The following WWOX variants were observed in gnomAD, a reference collection of about 807,000 sequenced individuals.
WWOX encodes the protein WW domain containing oxidoreductase.
Under a neutral mutation model 46.2 loss-of-function variants are expected in WWOX, and 69 were observed. That is an observed-to-expected ratio of 1.49 (90% CI 1.23 to 1.82). The LOEUF is 1.82. Among genes scored for constraint, WWOX ranks in the 40% most tolerant of loss-of-function variants. The pLI, the probability that WWOX is intolerant of heterozygous loss-of-function variation, is 0.00. For missense variants in WWOX, 919 were observed against 542.6 expected (o/e 1.69, Z -6.89); for synonymous variants, 359 against 202.6 (o/e 1.77, Z -6.56).
intron 8 of WWOX, among the ~76,000 whole-genome samples, chr16:78,466,906 T>C (rs1023555209): frequency 9.2e-5 from 14 of 151,674 alleles, no homozygotes; most frequent in Admixed American, 1.3e-4. Context: ...TGCAACGTTG[T>C]AGCATGGGCA....
At chr16:78,239,159 C>G (rs1291331048) in intron 5 of WWOX, among the ~76,000 whole-genome samples, 3 of 152,212 alleles carry the variant, frequency 2.0e-5, no homozygotes, top group Non-Finnish European at 4.4e-5. Context: ...CTGACTTTGC[C>G]TCAGCCTCCC....
intron 8 of WWOX, among the ~76,000 whole-genome samples, chr16:78,841,005 C>T (rs557586741): frequency 3.3e-5 from 5 of 152,154 alleles, no homozygotes; most frequent in South Asian, 2.1e-4. Context: ...GTGGGGTCCA[C>T]GGGTCCATCC....
intron 8 of WWOX, chr16:79,204,081 T>C (rs570787354): frequency 6.6e-6 from 1 of 152,118 alleles, no homozygotes; most frequent in Non-Finnish European, 1.5e-5. Context: ...CTTATTTTGT[T>C]GGCAAATTTC....
intron 8 of WWOX, among the ~76,000 whole-genome samples, chr16:78,860,028 T>G (rs1263133314): frequency 6.6e-6 from 1 of 152,180 alleles, no homozygotes; most frequent in Non-Finnish European, 1.5e-5. Flanking sequence ...ACGAGTAAAC[T>G]TTTTAGTTCT....
chr16:78,136,119 T>C (rs1170841704), intron 4 of WWOX, among the ~76,000 whole-genome samples: 1 of 152,204 alleles, frequency 6.6e-6, no homozygotes, highest in Non-Finnish European at 1.5e-5. Context: ...TTAGCCAAGT[T>C]ATTGAACTTT....
chr16:78,962,421 A>T (rs1354932158), intron 8 of WWOX, among the ~76,000 whole-genome samples: 2 of 148,308 alleles, frequency 1.3e-5, no homozygotes, highest in Non-Finnish European at 3.0e-5. Flanking sequence ...AGTTTTACAC[A>T]TTCATAATTT....
At chr16:78,579,399 A>T (rs567646446) in intron 8 of WWOX, among the ~76,000 whole-genome samples, 2 of 152,276 alleles carry the variant, frequency 1.3e-5, no homozygotes, top group East Asian at 3.9e-4. Flanking sequence ...GGGTAAACTG[A>T]GTTCACCAGG....
intron 8 of WWOX, among the ~76,000 whole-genome samples, chr16:79,050,656 T>G (rs1422538940): frequency 6.6e-6 from 1 of 152,164 alleles, no homozygotes; most frequent in East Asian, 1.9e-4. Flanking sequence ...CTGAGGAATT[T>G]TAAGAACAGG....
chr16:78,998,516 G>A (rs1042174239), intron 8 of WWOX, among the ~76,000 whole-genome samples: 8 of 152,192 alleles, frequency 5.3e-5, no homozygotes, highest in African/African-American at 4.8e-5. Context: ...CACACCTGAA[G>A]TCATTCTGTG....
chr16:78,455,885 T>G (rs1018112498), intron 8 of WWOX, among the ~76,000 whole-genome samples: 4 of 152,148 alleles, frequency 2.6e-5, no homozygotes, highest in African/African-American at 9.7e-5. Context: ...CTAACTTTTA[T>G]TTTTACATTA....
intron 6 of WWOX, among the ~76,000 whole-genome samples, chr16:78,396,585 C>T (rs1458478638): frequency 1.3e-5 from 2 of 152,138 alleles, no homozygotes; most frequent in Non-Finnish European, 2.9e-5. Flanking sequence ...ACAATCCCAC[C>T]AGTGCACATG....
chr16:78,356,834 A>G (rs1307417084), intron 5 of WWOX, among the ~76,000 whole-genome samples: 1 of 152,138 alleles, frequency 6.6e-6, no homozygotes, highest in Non-Finnish European at 1.5e-5. Context: ...GTGAGCTGAG[A>G]TGGCACCATT....
At chr16:78,266,516 C>A (rs1181146290) in intron 5 of WWOX, among the ~76,000 whole-genome samples, 1 of 152,162 alleles carries the variant, frequency 6.6e-6, no homozygotes, top group African/African-American at 2.4e-5. Context: ...TTGTCCCTTC[C>A]CTCTGAAGGC....
chr16:78,112,688 T>C (rs929678017), intron 3 of WWOX, among the ~76,000 whole-genome samples: 3 of 151,874 alleles, frequency 2.0e-5, no homozygotes, highest in Admixed American at 1.3e-4. Flanking sequence ...TTTTTTTTTT[T>C]TCCAAGTTTT....
intron 8 of WWOX, among the ~76,000 whole-genome samples, chr16:78,764,770 T>G (rs1000022637): frequency 2.0e-5 from 3 of 151,714 alleles, no homozygotes; most frequent in Non-Finnish European, 4.4e-5. Flanking sequence ...TTGCAAAGTT[T>G]CTAGCACAGT....
chr16:79,159,810 CCTT>C (rs2050450172), intron 8 of WWOX, among the ~76,000 whole-genome samples: 1 of 152,156 alleles, frequency 6.6e-6, no homozygotes, highest in South Asian at 2.1e-4. Context: ...ACTTTCTAAT[CCTT>C]CTAGTTGAGT....
intron 8 of WWOX, among the ~76,000 whole-genome samples, chr16:78,449,072 A>G (rs968912351): frequency 1.3e-5 from 2 of 152,088 alleles, no homozygotes; most frequent in South Asian, 2.1e-4. Flanking sequence ...CCAGGTAACA[A>G]TCTCAAGACT....
At chr16:78,937,839 G>A (rs2045773563) in intron 8 of WWOX, among the ~76,000 whole-genome samples, 1 of 152,024 alleles carries the variant, frequency 6.6e-6, no homozygotes, top group African/African-American at 2.4e-5. Flanking sequence ...TGTTGGCCAG[G>A]CTGGTCTGGA....
intron 8 of WWOX, among the ~76,000 whole-genome samples, chr16:78,524,866 T>C (rs2043426316): frequency 1.7e-5 from 2 of 116,764 alleles, no homozygotes; most frequent in Non-Finnish European, 1.7e-5. Flanking sequence ...TTTTTCTTTC[T>C]TTTTTTTTTT....
Sources: gnomAD v4.1 joint callset for allele counts (sites outside exome capture counted in the v4.1 genomes callset) on GRCh38, gnomAD v4.1.1 for gene constraint, MANE v1.5 for transcripts, NCBI Gene and HGNC (gene_info 2026-07-23, HGNC 2026-07-21) for gene names.